Variants in SMAD9 observed in about 807,000 individuals in gnomAD.
SMAD9 encodes the protein SMAD family member 9, also known as MAD homolog 9.
A neutral mutation model predicts 46.1 loss-of-function variants in SMAD9; 36 were observed. That is an observed-to-expected ratio of 0.78 (90% confidence interval 0.60 to 1.03). SMAD9 has a LOEUF of 1.03. SMAD9 is among the 50% of genes least tolerant of loss of function. SMAD9 has a pLI of 0.00. For synonymous variants in SMAD9, 245 were observed against 237.1 expected (o/e 1.03, Z -0.31); for missense variants, 572 against 599.8 (o/e 0.95, Z 0.48).
In SMAD9 at chr13:36,873,981, A is replaced by G. The variant is rs533150806; in HGVS notation, c.413-1066T>C. On this transcript the variant is annotated intron_variant, in intron 2 of 6. Coordinates refer to ENST00000379826, the MANE Select transcript of SMAD9 (RefSeq NM_001127217.3). ...CTGTTCTTGATTCTGATTATACACA[A>G]AATTTCAGAATAAATTCAAATTCTT... Among the ~76,000 whole-genome samples the G allele has an allele frequency of 2.5e-3, 376 of 152,354 alleles. 3 individuals carry two copies. Among genetic ancestry groups the G allele is most frequent in the Non-Finnish European group, 4.2e-3 (283 of 68,022 alleles).
At chr13:36,874,788 G>T (rs950208266) in intron 2 of SMAD9, among the ~76,000 whole-genome samples, 6 of 148,130 alleles carry the variant, frequency 4.1e-5, no homozygotes, top group African/African-American at 1.5e-4. Context: ...AACCCAGGAG[G>T]CGGAGCTTGC....
chr13:36,886,521 G>A (rs2138545257), intron 1 of SMAD9, among the ~76,000 whole-genome samples: 2 of 152,370 alleles, frequency 1.3e-5, no homozygotes, highest in Middle Eastern at 3.4e-3. Context: ...TCCGAGCTGA[G>A]CTGCATGTCA....
chr13:36,880,857 GT>G (rs538485989), intron 1 of SMAD9, among the ~76,000 whole-genome samples: 317 of 151,934 alleles, frequency 2.1e-3, no homozygotes, highest in Admixed American at 4.1e-3. Context: ...TGTTAATACA[GT>G]TTTTTTAATG....
intron 1 of SMAD9, among the ~76,000 whole-genome samples, chr13:36,914,376 G>A (rs925198417): frequency 3.0e-4 from 45 of 152,014 alleles, no homozygotes; most frequent in Non-Finnish European, 8.8e-5. Flanking sequence ...AAAATTAGCC[G>A]GGCGTGGTGG....
At chr13:36,910,116 G>A (rs1336008906) in intron 1 of SMAD9, among the ~76,000 whole-genome samples, 1 of 151,780 alleles carries the variant, frequency 6.6e-6, no homozygotes, top group Non-Finnish European at 1.5e-5. Flanking sequence ...AGAATGGCAT[G>A]AACCGGGGAG....
intron 1 of SMAD9, among the ~76,000 whole-genome samples, chr13:36,895,762 T>C (rs1177974540): frequency 6.6e-6 from 1 of 152,200 alleles, no homozygotes; most frequent in Non-Finnish European, 1.5e-5. Context: ...TGCTTTTTTT[T>C]TAAGTTGGCC....
At chr13:36,901,813 A>G (rs1237431746) in intron 1 of SMAD9, among the ~76,000 whole-genome samples, 2 of 152,230 alleles carry the variant, frequency 1.3e-5, no homozygotes, top group Non-Finnish European at 2.9e-5. Context: ...TTGGAAAAAT[A>G]TCTATTCAAG....
intron 1 of SMAD9, among the ~76,000 whole-genome samples, chr13:36,915,679 GA>G (rs1208217593): frequency 1.3e-5 from 2 of 152,118 alleles, no homozygotes; most frequent in Middle Eastern, 3.2e-3. Flanking sequence ...TTTTTTCTTT[GA>G]ATTAAATGTG....
chr13:36,874,564 A>G (rs1161249115), intron 2 of SMAD9, among the ~76,000 whole-genome samples: 1 of 152,186 alleles, frequency 6.6e-6, no homozygotes, highest in African/African-American at 2.4e-5. Flanking sequence ...AGATGAAAAC[A>G]TAAGTGAGTG....
At chr13:36,878,481 C>A (rs1317500276) in intron 2 of SMAD9, among the ~76,000 whole-genome samples, 1 of 152,152 alleles carries the variant, frequency 6.6e-6, no homozygotes, top group Non-Finnish European at 1.5e-5. Context: ...TGTGTAAGTA[C>A]ACTCCAGGGT....
chr13:36,871,976 T>C (rs1277495953), intron 3 of SMAD9, among the ~76,000 whole-genome samples: 4 of 152,232 alleles, frequency 2.6e-5, no homozygotes, highest in African/African-American at 4.8e-5. Flanking sequence ...CCGCACAGTA[T>C]TTATCTCACA....
At chr13:36,919,348 C>T (rs1312501392) in intron 1 of SMAD9, among the ~76,000 whole-genome samples, 1 of 152,146 alleles carries the variant, frequency 6.6e-6, no homozygotes, top group African/African-American at 2.4e-5. Context: ...ACCTCGCCCC[C>T]TCCCCTCTGC....
intron 5 of SMAD9, among the ~76,000 whole-genome samples, chr13:36,858,888 T>C (rs2058152316): frequency 6.6e-6 from 1 of 152,168 alleles, no homozygotes; most frequent in South Asian, 2.1e-4. Context: ...TTTTTGGTAT[T>C]TTTTGTAGTG....
At position 36,859,984 on chromosome 13, in the gene SMAD9, A is replaced by T. The variant is rs540986942; in HGVS notation, c.1003+5553T>A. On this transcript the variant is annotated intron_variant, in intron 5 of 6. Coordinates refer to ENST00000379826, the MANE Select transcript of SMAD9 (RefSeq NM_001127217.3). ...TCAAAAAAAAAAAGAAAAAAGAAAA[A>T]AAAGAAATAACCATAAAAATAGGCA... Among the ~76,000 whole-genome samples the T allele has an allele frequency of 1.9e-3, 293 of 152,224 alleles. 2 individuals carry two copies. The highest frequency in any genetic ancestry group is 2.5e-3 in the Non-Finnish European group (171 of 68,008).
intron 3 of SMAD9, among the ~76,000 whole-genome samples, chr13:36,867,854 T>C (rs1269548408): frequency 2.6e-5 from 4 of 152,184 alleles, no homozygotes; most frequent in Non-Finnish European, 5.9e-5. Context: ...AATTATAACC[T>C]TGTACCCAAG....
intron 1 of SMAD9, among the ~76,000 whole-genome samples, chr13:36,900,726 C>T (rs1050406221): frequency 4.4e-5 from 6 of 136,064 alleles, no homozygotes; most frequent in African/African-American, 1.1e-4. Context: ...CACACACACA[C>T]ATAAATGTAA....
At chr13:36,868,607 G>A (rs1057173519) in intron 3 of SMAD9, among the ~76,000 whole-genome samples, 2 of 152,038 alleles carry the variant, frequency 1.3e-5, no homozygotes, top group Non-Finnish European at 2.9e-5. Context: ...GCATGGTGGT[G>A]TACACCTGTA....
chr13:36,865,556 G>T lies in SMAD9; in HGVS notation c.984C>A (p.Thr328=). 6.2e-7 allele frequency: 1 copy of T among 1,613,076 alleles called. No individual in the cohort carries two copies. ...NVNRNSTIEN[T]RRHIGKGVHL... is the part of the protein sequence containing the mutation. ...TCTTACCCTTTCCTATATGTCTCCT[G>T]GTATTTTCTATCGTTGAGTTTCTGT... Residue 328 remains threonine, a synonymous_variant, in exon 5 of 7, where the codon ACC becomes ACA. Coordinates refer to ENST00000379826, the MANE Select transcript of SMAD9 (RefSeq NM_001127217.3).
chr13:36,892,379 A>G lies in SMAD9; in HGVS notation c.-186-12504T>C, dbSNP rs372558064. On this transcript the variant is annotated intron_variant, in intron 1 of 6. Coordinates refer to ENST00000379826, the MANE Select transcript of SMAD9 (RefSeq NM_001127217.3). ...GGATACACCAGCCTATCAAAGCACC[A>G]CCCTAGCAAGTGCAAAGAAAGTATC... is the stretch of plus-strand genomic sequence containing the variant. Among the ~76,000 whole-genome samples the G allele has an allele frequency of 5.3e-5, 8 of 152,128 alleles. No individual in the cohort carries two copies. In the East Asian group the frequency reaches 1.2e-3, roughly 22 times the overall value.
Sources: allele counts gnomAD v4.1 joint callset (sites outside exome capture counted in the v4.1 genomes callset), GRCh38; gene constraint gnomAD v4.1.1; transcripts MANE v1.5; gene names NCBI Gene and HGNC (gene_info 2026-07-23, HGNC 2026-07-21).